The following SGCD variants were observed in gnomAD, a reference collection of about 807,000 sequenced individuals.
SGCD encodes the protein delta-sarcoglycan.
SGCD carries 18 observed loss-of-function variants against 36.6 expected under a neutral mutation model. The observed-to-expected ratio is 0.49, with a 90% CI of 0.34 to 0.73. The LOEUF (loss-of-function observed/expected upper bound fraction) is 0.73, where lower values mean the gene tolerates loss of function less well. Ranked by LOEUF, SGCD falls within the 30% of genes least tolerant of loss-of-function variation. The pLI is 0.01. For synonymous variants in SGCD, 133 were observed against 130.6 expected (o/e 1.02, Z -0.12); for missense variants, 387 against 346.7 (o/e 1.12, Z -0.92).
At chr5:155,756,223 CAGA>C in the SGCD span, among the ~76,000 whole-genome samples, 66 of 152,282 alleles carry the variant, frequency 4.3e-4, no homozygotes, top group Middle Eastern at 0.014. Flanking sequence ...GATCAACATG[CAGA>C]AGGTCAGTGG....
chr5:156,724,340 C>T (rs28394728), intron 7 of SGCD, among the ~76,000 whole-genome samples: 52 of 152,318 alleles, frequency 3.4e-4, no homozygotes, highest in African/African-American at 1.2e-3. Flanking sequence ...CGTGGTGGCT[C>T]ACGCCTGTAA....
chr5:155,766,363 C>T, the SGCD span, among the ~76,000 whole-genome samples: 22 of 152,088 alleles, frequency 1.4e-4, 1 homozygote, highest in Admixed American at 1.0e-3. Flanking sequence ...TCAATGGCAG[C>T]TGTCTATAGC....
At chr5:156,148,851 CT>C (rs1762769031) in intron 3 of SGCD, among the ~76,000 whole-genome samples, 1 of 152,152 alleles carries the variant, frequency 6.6e-6, no homozygotes. Flanking sequence ...GGAAAGTTTT[CT>C]CTAGAGCCGT....
At chr5:155,756,785 G>A in the SGCD span, among the ~76,000 whole-genome samples, 6,576 of 152,252 alleles carry the variant, frequency 0.043, 190 homozygotes, top group Middle Eastern at 0.078. Context: ...TCCAAGGAAT[G>A]ACAATCACCT....
chr5:155,833,469 T>C, the SGCD span, among the ~76,000 whole-genome samples: 1 of 152,150 alleles, frequency 6.6e-6, no homozygotes, highest in Admixed American at 6.5e-5. Flanking sequence ...TCCTTTCCAA[T>C]AGAGGGTGCT....
chr5:156,540,943 T>C (rs1758326600), intron 4 of SGCD, among the ~76,000 whole-genome samples: 1 of 152,140 alleles, frequency 6.6e-6, no homozygotes, highest in African/African-American at 2.4e-5. Flanking sequence ...GTGGAGAAGA[T>C]AAACAAGAAA....
intron 3 of SGCD, among the ~76,000 whole-genome samples, chr5:156,160,024 A>G (rs1474439562): frequency 1.3e-5 from 2 of 151,700 alleles, no homozygotes; most frequent in Non-Finnish European, 2.9e-5. Flanking sequence ...TGTGTTCTTT[A>G]GTAAATTAGC....
At chr5:156,669,943 A>G (rs980266847) in intron 7 of SGCD, among the ~76,000 whole-genome samples, 4 of 152,136 alleles carry the variant, frequency 2.6e-5, no homozygotes, top group African/African-American at 9.7e-5. Flanking sequence ...CACTCTCAAA[A>G]TCATGACTAG....
chr5:155,758,634 G>A, the SGCD span, among the ~76,000 whole-genome samples: 2 of 152,092 alleles, frequency 1.3e-5, no homozygotes, highest in Admixed American at 6.5e-5. Context: ...ACAGGAGCAC[G>A]AACCGTATTG....
intron 3 of SGCD, among the ~76,000 whole-genome samples, chr5:156,431,081 A>C (rs1273787938): frequency 6.6e-6 from 1 of 152,126 alleles, no homozygotes; most frequent in Non-Finnish European, 1.5e-5. Flanking sequence ...GCTCTCAATT[A>C]GATGTGCTGA....
At chr5:156,100,267 A>G (rs1370175027) in intron 1 of SGCD, among the ~76,000 whole-genome samples, 1 of 152,056 alleles carries the variant, frequency 6.6e-6, no homozygotes, top group African/African-American at 2.4e-5. Flanking sequence ...AGAAGCTGAC[A>G]AAAACTAGGA....
intron 3 of SGCD, among the ~76,000 whole-genome samples, chr5:156,314,278 CTT>C (rs1015672675): frequency 2.6e-5 from 4 of 152,010 alleles, no homozygotes; most frequent in African/African-American, 9.7e-5. Flanking sequence ...TCTTGTGAAA[CTT>C]AGTCTATAAA....
chr5:155,773,508 A>G, the SGCD span, among the ~76,000 whole-genome samples: 1 of 152,102 alleles, frequency 6.6e-6, no homozygotes, highest in African/African-American at 2.4e-5. Flanking sequence ...AAACTTCTTT[A>G]AAAATACCTG....
chr5:155,832,013 A>G, the SGCD span, among the ~76,000 whole-genome samples: 2 of 152,206 alleles, frequency 1.3e-5, no homozygotes, highest in Non-Finnish European at 2.9e-5. Flanking sequence ...TCACTCACAG[A>G]TGCTGCAAAG....
intron 6 of SGCD, among the ~76,000 whole-genome samples, chr5:156,597,925 G>A (rs139650267): frequency 6.8e-4 from 104 of 152,164 alleles, no homozygotes; most frequent in African/African-American, 2.3e-3. Flanking sequence ...CCAAAGCATG[G>A]CTGACAGCTA....
At chr5:156,247,585 G>C (rs1765469714) in intron 3 of SGCD, among the ~76,000 whole-genome samples, 1 of 152,158 alleles carries the variant, frequency 6.6e-6, no homozygotes, top group African/African-American at 2.4e-5. Flanking sequence ...ATAGATGTGG[G>C]AGATAAATAT....
At chr5:156,142,574 C>T (rs1762606829) in intron 3 of SGCD, among the ~76,000 whole-genome samples, 1 of 152,114 alleles carries the variant, frequency 6.6e-6, no homozygotes, top group Non-Finnish European at 1.5e-5. Context: ...CTGAGGAGGT[C>T]TCAGATAGAA....
the SGCD span, among the ~76,000 whole-genome samples, chr5:155,774,811 G>A: frequency 4.7e-4 from 71 of 152,216 alleles, no homozygotes; most frequent in African/African-American, 1.7e-3. Flanking sequence ...TTTGTCACAG[G>A]AGGTAATGCA....
At chr5:156,642,762 T>C (rs1281767092) in intron 6 of SGCD, among the ~76,000 whole-genome samples, 1 of 151,388 alleles carries the variant, frequency 6.6e-6, no homozygotes, top group Non-Finnish European at 1.5e-5. Flanking sequence ...CCACTGCGCC[T>C]GGCCCAGTCT....
Sources: gnomAD v4.1 joint callset for allele counts (sites outside exome capture counted in the v4.1 genomes callset) on GRCh38, gnomAD v4.1.1 for gene constraint, MANE v1.5 for transcripts, NCBI Gene and HGNC (gene_info 2026-07-23, HGNC 2026-07-21) for gene names.